Variants in CCDC169 observed in about 807,000 individuals in gnomAD.
CCDC169 encodes coiled-coil domain containing 169, also known as coiled-coil domain-containing protein 169.
CCDC169 carries 30 observed loss-of-function variants against 36.0 expected under a neutral mutation model. The observed-to-expected ratio is 0.83, with a 90% confidence interval of 0.62 to 1.13. The LOEUF (loss-of-function observed/expected upper bound fraction) is 1.13. Ranked by LOEUF, CCDC169 falls within the 50% of genes most tolerant of loss-of-function variation. The pLI is 0.00. For synonymous variants in CCDC169, 85 were observed against 81.5 expected (o/e 1.04, Z -0.23); for missense variants, 245 against 245.9 (o/e 1.00, Z 0.03).
At chr13:36,275,666 A>C (rs1876709219) in intron 4 of CCDC169, among the ~76,000 whole-genome samples, 1 of 152,236 alleles carries the variant, frequency 6.6e-6, no homozygotes, top group Admixed American at 6.5e-5. Flanking sequence ...AATTTTCAAA[A>C]GGCATAAACT....
At chr13:36,265,354 T>G (rs1361840553) in intron 4 of CCDC169, among the ~76,000 whole-genome samples, 1 of 152,240 alleles carries the variant, frequency 6.6e-6, no homozygotes, top group Non-Finnish European at 1.5e-5. Context: ...AGTCACAAAC[T>G]GATCACCTTT....
At chr13:36,290,997 A>T (rs907999989) in intron 2 of CCDC169, among the ~76,000 whole-genome samples, 4 of 151,984 alleles carry the variant, frequency 2.6e-5, no homozygotes, top group Non-Finnish European at 4.4e-5. Flanking sequence ...AAAAAAAAAA[A>T]ATCCTAAGCC....
At chr13:36,284,954 C>A (rs538384230) in intron 2 of CCDC169, among the ~76,000 whole-genome samples, 5 of 152,216 alleles carry the variant, frequency 3.3e-5, no homozygotes, top group Non-Finnish European at 7.4e-5. Context: ...AACCCAAAAG[C>A]TTTGGAAAGG....
chr13:36,292,224 C>A (rs999877348), intron 2 of CCDC169, among the ~76,000 whole-genome samples: 1 of 152,106 alleles, frequency 6.6e-6, no homozygotes, highest in African/African-American at 2.4e-5. Flanking sequence ...GAACTTCTGA[C>A]CTCAGGTGAT....
chr13:36,227,257 C>A (rs748845831), downstream of CCDC169: 12 of 1,551,074 alleles, frequency 7.7e-6, no homozygotes, highest in Non-Finnish European at 1.0e-5. Flanking sequence ...TGTAAGCAGG[C>A]GGGCCAGAGT....
At chr13:36,224,587 G>A (rs1171108301), downstream of CCDC169, 9 of 152,120 alleles carry the variant, frequency 5.9e-5, no homozygotes, top group Middle Eastern at 3.4e-3. Context: ...ATCTAACCAA[G>A]GAGGTGAAAG....
At chr13:36,276,760 A>C (rs1054012879) in intron 4 of CCDC169, among the ~76,000 whole-genome samples, 1 of 152,154 alleles carries the variant, frequency 6.6e-6, no homozygotes, top group African/African-American at 2.4e-5. Context: ...CTACAGGGAT[A>C]TGGTGGGGCT....
At chr13:36,268,213 A>G (rs1055975035) in intron 4 of CCDC169, among the ~76,000 whole-genome samples, 8 of 152,234 alleles carry the variant, frequency 5.3e-5, no homozygotes, top group African/African-American at 1.9e-4. Context: ...GACAGACCAT[A>G]TGATAGGCCA....
chr13:36,290,998 A>G (rs1053306084), intron 2 of CCDC169, among the ~76,000 whole-genome samples: 1 of 149,518 alleles, frequency 6.7e-6, no homozygotes, highest in Non-Finnish European at 1.5e-5. Flanking sequence ...AAAAAAAAAA[A>G]TCCTAAGCCC....
chr13:36,289,775 T>G (rs1430752535), intron 2 of CCDC169, among the ~76,000 whole-genome samples: 1 of 152,232 alleles, frequency 6.6e-6, no homozygotes, highest in Non-Finnish European at 1.5e-5. Flanking sequence ...TGCCTTTAAG[T>G]CTTTCAATAA....
chr13:36,248,804 A>C, intron 6 of CCDC169, 122 bp from the exon 7 acceptor site: 1 of 826,376 alleles, frequency 1.2e-6, no homozygotes, highest in Non-Finnish European at 1.9e-6. Context: ...TGTGTAAGAG[A>C]AGCTGAGAAA....
intron 4 of CCDC169, among the ~76,000 whole-genome samples, chr13:36,267,668 T>TA (rs778579627): frequency 3.3e-5 from 5 of 152,226 alleles, no homozygotes; most frequent in African/African-American, 9.6e-5. Context: ...AGAATGAATT[T>TA]AAAAAATCAC....
At chr13:36,291,535 A>G (rs1344175084) in intron 2 of CCDC169, among the ~76,000 whole-genome samples, 1 of 152,048 alleles carries the variant, frequency 6.6e-6, no homozygotes, top group Admixed American at 6.5e-5. Context: ...TTAAATAAAT[A>G]TTTATTTCAT....
intron 4 of CCDC169, among the ~76,000 whole-genome samples, chr13:36,259,629 A>G (rs1170939): frequency 0.18 from 27,533 of 152,060 alleles, 2,595 homozygotes; most frequent in African/African-American, 0.21. Context: ...ATGGCCTGCA[A>G]TCAATCAGAG....
chr13:36,232,841 G>C (rs1168741915), intron 7 of CCDC169, among the ~76,000 whole-genome samples: 3 of 152,108 alleles, frequency 2.0e-5, no homozygotes, highest in Non-Finnish European at 2.9e-5. Flanking sequence ...AGGTTGCAGT[G>C]AGCCGAGATC....
intron 7 of CCDC169, among the ~76,000 whole-genome samples, chr13:36,238,608 C>A (rs1226383518): frequency 6.6e-6 from 1 of 152,050 alleles, no homozygotes; most frequent in Non-Finnish European, 1.5e-5. Flanking sequence ...TAATATAGCT[C>A]ATTATAGATA....
chr13:36,237,259 C>A (rs1429074037), intron 7 of CCDC169, among the ~76,000 whole-genome samples: 1 of 151,950 alleles, frequency 6.6e-6, no homozygotes, highest in Non-Finnish European at 1.5e-5. Context: ...TTCACATCCA[C>A]TAGGATGGTT....
At position 36,297,622 on chromosome 13, in the gene CCDC169, C is replaced by A; in HGVS notation, c.83+15G>T. 6.5e-7 allele frequency: 1 copy of A among 1,548,444 alleles called. No homozygotes were observed. The highest frequency in any genetic ancestry group is 8.7e-7 in the Non-Finnish European group (1 of 1,146,904). On this transcript the variant is annotated intron_variant, in intron 1 of 7. Coordinates refer to ENST00000239859, the MANE Select transcript of CCDC169 (RefSeq NM_001144981.3). ...GTGTGGACGGGACCCCACACCGCGC[C>A]GCCCGCCGACTCACTTCTTGCGGAC... is the stretch of plus-strand genomic sequence containing the variant.
At chr13:36,277,431 A>G (rs1474870529) in intron 4 of CCDC169, among the ~76,000 whole-genome samples, 1 of 152,174 alleles carries the variant, frequency 6.6e-6, no homozygotes, top group Admixed American at 6.5e-5. Context: ...TTACCTATGT[A>G]ACAAACCTGC....
Sources: allele counts gnomAD v4.1 joint callset (sites outside exome capture counted in the v4.1 genomes callset), GRCh38; gene constraint gnomAD v4.1.1; transcripts MANE v1.5; gene names NCBI Gene and HGNC (gene_info 2026-07-23, HGNC 2026-07-21).